SERPINB4: variants seen among roughly 807,000 people sequenced by gnomAD.
The protein encoded by SERPINB4 is serpin family B member 4.
In SERPINB4, 39 loss-of-function variants were observed where a neutral mutation model predicts 33.2. That is an observed-to-expected ratio of 1.18 (90% CI 0.91 to 1.53). The LOEUF (loss-of-function observed/expected upper bound fraction) is 1.53. Ranked by LOEUF, SERPINB4 falls within the 40% of genes most tolerant of loss-of-function variation. The pLI, the probability that SERPINB4 is intolerant of heterozygous loss-of-function variation, is 0.00. For missense variants in SERPINB4, 564 were observed against 455.4 expected, an observed-to-expected ratio of 1.24 and a Z score of -2.17; for synonymous variants, 191 against 166.4, an observed-to-expected ratio of 1.15 and a Z score of -1.14.
intron 3 of SERPINB4, chr18:63,642,807 TGTATTGAGTCAGA>T: frequency 4.6e-6 from 1 of 216,696 alleles, no homozygotes. Flanking sequence ...TGTATTTGCA[TGTATTGAGTCAGA>T]TTTTTTCTTA....
At chr18:63,640,342 T>C (rs1260971516) in intron 5 of SERPINB4, among the ~76,000 whole-genome samples, 3 of 151,976 alleles carry the variant, frequency 2.0e-5, no homozygotes, top group Non-Finnish European at 4.4e-5. Flanking sequence ...AAGATGTCTG[T>C]AGAATGGAGA....
intron 1 of SERPINB4, 74 bp from the exon 2 acceptor site, chr18:63,643,677 A>G (rs1913218441): frequency 6.7e-7 from 1 of 1,483,894 alleles, no homozygotes; most frequent in South Asian, 1.3e-5. Context: ...ATTTTCTTAA[A>G]GAAATGATAT....
At chr18:63,641,033 A>G (rs778014417) in intron 4 of SERPINB4, 42 bp from the exon 5 acceptor site, 1 of 1,506,980 alleles carries the variant, frequency 6.6e-7, no homozygotes, top group Non-Finnish European at 9.2e-7. Context: ...GGAGTAATTT[A>G]TGTAACTATA....
At chr18:63,641,957 T>G in intron 3 of SERPINB4, 69 bp from the exon 4 acceptor site, 1 of 1,598,608 alleles carries the variant, frequency 6.3e-7, no homozygotes, top group Non-Finnish European at 8.5e-7. Flanking sequence ...ATGCTAAGTC[T>G]GTTAGATCAG....
chr18:63,643,889 G>C (rs1258181195), intron 1 of SERPINB4, among the ~76,000 whole-genome samples: 1 of 151,958 alleles, frequency 6.6e-6, no homozygotes, highest in Non-Finnish European at 1.5e-5. Flanking sequence ...AGGTAGGATG[G>C]CTTTACAATG....
At position 63,637,754 on chromosome 18, in the gene SERPINB4, T is replaced by C. The variant is rs1912975273; in HGVS notation, c.1138A>G (p.Ser380Gly). 6.2e-7 allele frequency: 1 copy of C among 1,612,578 alleles called. No homozygotes were observed. The highest frequency in any genetic ancestry group is 1.7e-5 in the Admixed American group (1 of 59,884). ...LFFIRQNKTN[S>G]ILFYGRFSSP ...GAGAATCTGCCATAGAAGAGGATGC[T>C]GTTGGTCTTATTTTGCCTTATGAAG... is the stretch of plus-strand genomic sequence containing the variant. The change falls in exon 8 of 8, where the codon AGC becomes GGC. Residue 380 changes from serine (S) to glycine (G), a missense_variant. Transcript: ENST00000341074.
At position 63,637,880 on chromosome 18, in the gene SERPINB4, C is replaced by T. The variant is rs141049494; in HGVS notation, c.1012G>A (p.Glu338Lys). The change falls in exon 8 of 8, where the codon GAG becomes AAG. Residue 338 changes from glutamate to lysine, a missense_variant. Glu to Lys is a moderately conservative substitution (Grantham distance 56, BLOSUM62 1). Transcript: ENST00000341074. ...VLHKAFVEVTEEGVEAAAATA... is the reference protein window; with the variant it reads ...VLHKAFVEVTKEGVEAAAATA... ...GCAGCTGCAGCTTCCACTCCCTCCTCAGTGACCTCCACAAAGGCCTTGTGT... is the reference window on the plus strand; with the variant it reads ...GCAGCTGCAGCTTCCACTCCCTCCTTAGTGACCTCCACAAAGGCCTTGTGT... The T allele has an allele frequency of 1.2e-6, 2 of 1,613,444 alleles. No individual in the cohort carries two copies. The highest frequency in any genetic ancestry group is 2.7e-5 in the African/African-American group (2 of 74,856).
chr18:63,643,555 T>C lies in SERPINB4; in HGVS notation c.23A>G (p.Asn8Ser). 1 of 1,613,580 alleles carries C rather than the reference T, an allele frequency of 6.2e-7. No individual in the cohort carries two copies. Among genetic ancestry groups the C allele is most frequent in the Non-Finnish European group, 8.5e-7 (1 of 1,179,626 alleles). Residue 8 changes from asparagine to serine, a missense_variant, in exon 2 of 8, where the codon AAC (asparagine) becomes AGC (serine). Transcript: ENST00000341074. ...GAACAGATCGAACATGAACTTGGTG[T>C]TGGCTTCACTGAGTGAATTCATGGT... MNSLSEA[N>S]TKFMFDLFQQ...
chr18:63,640,654 C>T (rs992194757), intron 5 of SERPINB4, among the ~76,000 whole-genome samples: 2 of 152,164 alleles, frequency 1.3e-5, no homozygotes, highest in Non-Finnish European at 2.9e-5. Context: ...AATAATTCTC[C>T]AGATGTGTTT....
Position 63,643,217 on chromosome 18 carries a change from C to T in SERPINB4, c.166G>A (p.Val56Ile), listed in dbSNP as rs751535195. Residue 56 changes from valine (V) to isoleucine (I), a missense_variant and splice_region_variant, in exon 3 of 8, where the codon GTT becomes ATT. Transcript: ENST00000341074. ...TCTGTGACTTGATCAAAGTGAAGAA[C>T]CTGGAAGAGACATGAAGCGGGACAA... ...KDNTAQQISK[V>I]LHFDQVTENT... The T allele has an allele frequency of 6.2e-7, 1 of 1,613,220 alleles. No individual in the cohort carries two copies. Among genetic ancestry groups the T allele is most frequent in the Non-Finnish European group, 8.5e-7 (1 of 1,179,608 alleles).
intron 3 of SERPINB4, among the ~76,000 whole-genome samples, chr18:63,642,389 A>G (rs1435697705): frequency 6.6e-6 from 1 of 152,100 alleles, no homozygotes; most frequent in African/African-American, 2.4e-5. Flanking sequence ...TCTGCACGTA[A>G]GAAGAGTGTA....
At chr18:63,642,004 T>A in intron 3 of SERPINB4, 116 bp from the exon 4 acceptor site, 1 of 1,425,228 alleles carries the variant, frequency 7.0e-7, no homozygotes, top group Non-Finnish European at 9.6e-7. Flanking sequence ...GGACCTTTGA[T>A]GTTATTCCCT....
intron 4 of SERPINB4, 95 bp from the exon 5 acceptor site, chr18:63,641,086 C>A: frequency 9.8e-7 from 1 of 1,024,528 alleles, no homozygotes; most frequent in South Asian, 1.4e-5. Flanking sequence ...AAGCTGAATC[C>A]AGACCCTGAA....
intron 1 of SERPINB4, among the ~76,000 whole-genome samples, chr18:63,643,929 A>C (rs1403464489): frequency 6.6e-6 from 1 of 151,956 alleles, no homozygotes; most frequent in Non-Finnish European, 1.5e-5. Flanking sequence ...TGTGGATCAC[A>C]TCCAACCAGC....
chr18:63,639,299 G>T lies in SERPINB4; in HGVS notation c.654C>A (p.Ser218=), dbSNP rs779174392. The change falls in exon 7 of 8, where the codon TCC becomes TCA. Residue 218 remains serine, a synonymous_variant. Transcript: ENST00000341074. ...KSVQMMRQYN[S]FNFALLEDVQ... ...CATCCTCCAGCAAGGCAAAATTAAA[G>T]GAATTGTATTGCCTCATCATCTGTA... is the stretch of plus-strand genomic sequence containing the variant. The T allele has an allele frequency of 2.5e-6, 4 of 1,612,260 alleles. No homozygotes were observed. Among genetic ancestry groups the T allele is most frequent in the Non-Finnish European group, 2.5e-6 (3 of 1,178,974 alleles).
Position 63,643,006 on chromosome 18 carries a change from A to G in SERPINB4, c.222+155T>C, listed in dbSNP as rs186248461. On this transcript the variant is annotated intron_variant, in intron 3 of 7. Transcript: ENST00000341074. ...AACGCAGAAATGAGGAATAATAATTATGTGCCATGAAATGCCAACCCACTC... is the reference window on the plus strand; with the variant it reads ...AACGCAGAAATGAGGAATAATAATTGTGTGCCATGAAATGCCAACCCACTC... The G allele has an allele frequency of 1.5e-4, 115 of 775,238 alleles. 1 individual carries two copies. In the East Asian group the frequency reaches 3.0e-3, roughly 20 times the overall value. The allele number at this position is 775,238 out of a possible 1,614,324, so 48.0% of individuals were successfully genotyped here. A position where few individuals can be genotyped will look rare whatever the true frequency, so the allele number is the denominator to read the frequency against.
rs1450083629 is a variant in SERPINB4, at chr18:63,637,844, C to T, written c.1048G>A (p.Val350Ile). Reference protein sequence around the residue: ...GVEAAAATAVVVVELSSPSTN... With the variant: ...GVEAAAATAVIVVELSSPSTN... ...GAAGGAGATGATAATTCGACTACTA[C>T]TACAGCGGTGGCAGCTGCAGCTTCC... Residue 350 changes from valine to isoleucine, a missense_variant, in exon 8 of 8, where the codon GTA becomes ATA. Val to Ile is a conservative substitution (Grantham distance 29). Transcript: ENST00000341074. 1.2e-6 allele frequency: 2 copies of T among 1,613,438 alleles called. No homozygotes were observed. Among genetic ancestry groups the T allele is most frequent in the African/African-American group, 1.3e-5 (1 of 74,840 alleles).
chr18:63,640,905 C>G lies in SERPINB4; in HGVS notation c.438G>C (p.Lys146Asn). The G allele has an allele frequency of 6.2e-7, 1 of 1,612,762 alleles. No individual in the cohort carries two copies. Among genetic ancestry groups the G allele is most frequent in the South Asian group, 1.1e-5 (1 of 91,046 alleles). ...FANAPEESRK[K>N]INSWVESQTN... is the part of the protein sequence containing the mutation. The stretch of plus-strand genomic sequence containing the variant: ...TTTGACTTTCCACCCAGGAGTTAAT[C>G]TTCTTTCGACTTTCTTCTGGAGCAT... Residue 146 changes from lysine (K) to asparagine (N), a missense_variant, in exon 5 of 8, where the codon AAG (lysine) becomes AAC (asparagine). Transcript: ENST00000341074.
chr18:63,639,806 A>G (rs369354017), intron 5 of SERPINB4, 30 bp from the exon 6 acceptor site: 22 of 1,587,000 alleles, frequency 1.4e-5, no homozygotes, highest in African/African-American at 2.7e-5. Context: ...AGAGTCTTTT[A>G]CACAAGCTAC....
Sources: allele counts gnomAD v4.1 joint callset (sites outside exome capture counted in the v4.1 genomes callset), GRCh38; gene constraint gnomAD v4.1.1; transcripts MANE v1.5; gene names NCBI Gene and HGNC (gene_info 2026-07-23, HGNC 2026-07-21).